VTI1A: variants seen among roughly 807,000 people sequenced by gnomAD.
VTI1A encodes the protein vesicle transport through interaction with t-SNAREs 1A.
In VTI1A, 22 loss-of-function variants were observed where a neutral mutation model predicts 34.9. The observed-to-expected ratio is 0.63, with a 90% CI of 0.45 to 0.90. VTI1A has a LOEUF of 0.90. Among genes scored for constraint, VTI1A ranks in the 40% least tolerant of loss-of-function variants. The probability of loss-of-function intolerance (pLI) is 0.00; values close to 1 mark genes in which losing one functional copy is unlikely to be tolerated. For synonymous variants in VTI1A, 87 were observed against 97.3 expected (o/e 0.89, Z 0.62); for missense variants, 268 against 275.6 (o/e 0.97, Z 0.20).
At chr10:112,687,213 C>T (rs1053083610) in intron 7 of VTI1A, among the ~76,000 whole-genome samples, 1 of 134,442 alleles carries the variant, frequency 7.4e-6, no homozygotes, top group African/African-American at 2.7e-5. Flanking sequence ...CCTAGGCATA[C>T]TACAACTTTT....
chr10:112,575,837 A>G (rs1189701739), intron 5 of VTI1A, among the ~76,000 whole-genome samples: 5 of 150,480 alleles, frequency 3.3e-5, no homozygotes, highest in African/African-American at 1.2e-4. Flanking sequence ...TTAGCATTCA[A>G]ATTGTTCTGT....
At chr10:112,447,036 A>C, upstream of VTI1A, 2 of 285,380 alleles carry the variant, frequency 7.0e-6, no homozygotes, top group South Asian at 7.0e-5. Flanking sequence ...CGATTCCCAG[A>C]ACACGAAGGG....
intron 5 of VTI1A, among the ~76,000 whole-genome samples, chr10:112,620,531 C>G (rs1411653149): frequency 6.6e-6 from 1 of 152,160 alleles, no homozygotes; most frequent in Non-Finnish European, 1.5e-5. Context: ...TGGCTCACGT[C>G]TGTAATCCCA....
At chr10:112,634,531 A>T (rs963376650) in intron 5 of VTI1A, among the ~76,000 whole-genome samples, 3 of 150,448 alleles carry the variant, frequency 2.0e-5, no homozygotes, top group Non-Finnish European at 4.4e-5. Flanking sequence ...ACACACACAC[A>T]CACACACACA....
chr10:112,490,485 C>T (rs1206539462), intron 3 of VTI1A, among the ~76,000 whole-genome samples: 1 of 152,054 alleles, frequency 6.6e-6, no homozygotes, highest in Non-Finnish European at 1.5e-5. Flanking sequence ...GACCCAAATC[C>T]AGCTTGTTTG....
At chr10:112,811,712 A>AAAAATAT in intron 7 of VTI1A, among the ~76,000 whole-genome samples, 1 of 84,046 alleles carries the variant, frequency 1.2e-5, no homozygotes, top group East Asian at 3.6e-4. Flanking sequence ...AAAAAAAAAA[A>AAAAATAT]GAGTGCAGTC....
At chr10:112,657,803 TTG>T (rs142005527) in intron 5 of VTI1A, among the ~76,000 whole-genome samples, 254 of 108,878 alleles carry the variant, frequency 2.3e-3, no homozygotes, top group Non-Finnish European at 4.5e-3. Flanking sequence ...GAACACTATA[TTG>T]TGTGTGTGTG....
At chr10:112,645,235 TC>T (rs1846729077) in intron 5 of VTI1A, among the ~76,000 whole-genome samples, 1 of 152,196 alleles carries the variant, frequency 6.6e-6, no homozygotes, top group South Asian at 2.1e-4. Flanking sequence ...GCTTAAATTT[TC>T]CCCCAGAATT....
intron 5 of VTI1A, among the ~76,000 whole-genome samples, chr10:112,568,944 C>T (rs1019693349): frequency 2.0e-5 from 3 of 152,038 alleles, no homozygotes; most frequent in Middle Eastern, 3.2e-3. Flanking sequence ...CACCTGAGGT[C>T]GGGAGTTTGA....
At chr10:112,641,196 A>C (rs1241978088) in intron 5 of VTI1A, among the ~76,000 whole-genome samples, 2 of 152,110 alleles carry the variant, frequency 1.3e-5, no homozygotes, top group African/African-American at 2.4e-5. Context: ...TCAGTTGGGC[A>C]CTTCAGGCTT....
At chr10:112,844,164 A>C in the VTI1A span, among the ~76,000 whole-genome samples, 1 of 152,176 alleles carries the variant, frequency 6.6e-6, no homozygotes, top group African/African-American at 2.4e-5. Flanking sequence ...TGGATAAACA[A>C]AAGGCCCCCC....
At chr10:112,501,621 G>A (rs993463446) in intron 3 of VTI1A, among the ~76,000 whole-genome samples, 11 of 151,960 alleles carry the variant, frequency 7.2e-5, no homozygotes, top group Non-Finnish European at 1.5e-4. Flanking sequence ...CTACTAATTG[G>A]AAGTAAAAAC....
intron 1 of VTI1A, among the ~76,000 whole-genome samples, chr10:112,455,672 T>TTCC (rs1847494142): frequency 7.3e-6 from 1 of 136,500 alleles, no homozygotes; most frequent in Admixed American, 7.3e-5. Flanking sequence ...CCTCCCTTCC[T>TTCC]TCCTTCCTTC....
At chr10:112,630,438 A>G (rs1295658413) in intron 5 of VTI1A, among the ~76,000 whole-genome samples, 1 of 152,206 alleles carries the variant, frequency 6.6e-6, no homozygotes, top group Admixed American at 6.5e-5. Context: ...ATTTTCTAGT[A>G]TGGAATCAGG....
At chr10:112,823,694 T>G (rs1403896292), downstream of VTI1A, 1 of 152,220 alleles carries the variant, frequency 6.6e-6, no homozygotes, top group Non-Finnish European at 1.5e-5. Flanking sequence ...TCCCAGCAAA[T>G]GCAGCCGCAT....
At chr10:112,604,652 A>T (rs912535848) in intron 5 of VTI1A, among the ~76,000 whole-genome samples, 1 of 152,234 alleles carries the variant, frequency 6.6e-6, no homozygotes, top group Admixed American at 6.5e-5. Context: ...CTGTTTGGGC[A>T]TATTCCTGTA....
chr10:112,719,096 C>CT (rs940178146), intron 7 of VTI1A, among the ~76,000 whole-genome samples: 3 of 152,170 alleles, frequency 2.0e-5, no homozygotes, highest in Non-Finnish European at 4.4e-5. Flanking sequence ...GAAGGAAAGA[C>CT]TTTTATCTTT....
chr10:112,680,341 A>G (rs976911658), intron 7 of VTI1A, among the ~76,000 whole-genome samples: 1 of 152,190 alleles, frequency 6.6e-6, no homozygotes, highest in Non-Finnish European at 1.5e-5. Context: ...CTCTGAATTC[A>G]TATTGTCATT....
At chr10:112,522,317 G>T (rs1372421151) in intron 3 of VTI1A, among the ~76,000 whole-genome samples, 2 of 151,980 alleles carry the variant, frequency 1.3e-5, no homozygotes, top group Admixed American at 6.6e-5. Flanking sequence ...ATTTGTTTTA[G>T]ACCTATGGAG....
Sources: allele counts gnomAD v4.1 joint callset (sites outside exome capture counted in the v4.1 genomes callset), GRCh38; gene constraint gnomAD v4.1.1; transcripts MANE v1.5; gene names NCBI Gene and HGNC (gene_info 2026-07-23, HGNC 2026-07-21).